The following SYNJ2BP variants were observed in gnomAD, a reference collection of about 807,000 sequenced individuals.
SYNJ2BP encodes synaptojanin-2-binding protein.
In SYNJ2BP, 10 loss-of-function variants were observed where a neutral mutation model predicts 16.9. The observed-to-expected ratio is 0.59, with a 90% CI of 0.36 to 1.00. The LOEUF is 1.00. Among genes scored for constraint, SYNJ2BP ranks in the 50% least tolerant of loss-of-function variants. SYNJ2BP has a pLI of 0.01. For synonymous variants in SYNJ2BP, 54 were observed against 68.4 expected (o/e 0.79, Z 1.04); for missense variants, 162 against 186.7 (o/e 0.87, Z 0.77).
chr14:70,389,507 G>A (rs936748305), intron 1 of SYNJ2BP, among the ~76,000 whole-genome samples: 14 of 151,310 alleles, frequency 9.3e-5, no homozygotes, highest in African/African-American at 2.9e-4. Flanking sequence ...CCCTTCCTTC[G>A]CTACTTCAAG....
chr14:70,402,068 AC>A (rs1481640863), intron 1 of SYNJ2BP, among the ~76,000 whole-genome samples: 1 of 152,190 alleles, frequency 6.6e-6, no homozygotes, highest in African/African-American at 2.4e-5. Context: ...CTGAAAAAAC[AC>A]ACCATTCACT....
intron 2 of SYNJ2BP, among the ~76,000 whole-genome samples, chr14:70,377,286 T>A (rs1251729305): frequency 6.6e-6 from 1 of 152,200 alleles, no homozygotes; most frequent in Non-Finnish European, 1.5e-5. Context: ...CCCCAAGATC[T>A]TCTGCCATCT....
chr14:70,413,548 T>G (rs1360746707), intron 1 of SYNJ2BP, among the ~76,000 whole-genome samples: 2 of 152,042 alleles, frequency 1.3e-5, no homozygotes, highest in Admixed American at 1.3e-4. Context: ...CTGAGGCAGG[T>G]GAATTGCTTG....
chr14:70,373,267 G>A, intron 3 of SYNJ2BP, 136 bp from the exon 4 acceptor site: 18 of 1,166,388 alleles, frequency 1.5e-5, no homozygotes, highest in Non-Finnish European at 1.7e-5. Context: ...CTAGCAGAAG[G>A]AGTCCTCTCT....
chr14:70,408,712 A>G (rs1183164215), intron 1 of SYNJ2BP, among the ~76,000 whole-genome samples: 1 of 152,144 alleles, frequency 6.6e-6, no homozygotes, highest in East Asian at 1.9e-4. Context: ...CAACTCTATA[A>G]GTAGATTCTA....
intron 1 of SYNJ2BP, among the ~76,000 whole-genome samples, chr14:70,402,693 A>T (rs1019699359): frequency 4.6e-5 from 7 of 152,030 alleles, no homozygotes; most frequent in African/African-American, 1.4e-4. Context: ...AGAAATTTTT[A>T]AAATATATAT....
chr14:70,394,691 T>C lies in SYNJ2BP; in HGVS notation c.65-6085A>G, dbSNP rs772021799. 1.2e-4 allele frequency among the ~76,000 whole-genome samples: 18 copies of C among 151,550 alleles called. No homozygotes were observed. The South Asian group carries it at 1.3e-3, about 11-fold the overall frequency. On this transcript the variant is annotated intron_variant, in intron 1 of 3. Coordinates refer to ENST00000256366, the MANE Select transcript of SYNJ2BP (RefSeq NM_018373.3). ...AAAGTTAAACAAGAAATCCCTTCTT[T>C]TGAACTCCTGACTATAGGTCTGGAC...
chr14:70,416,992 G>C lies in SYNJ2BP; in HGVS notation c.-29C>G, dbSNP rs375138953. On this transcript the variant is annotated 5_prime_UTR_variant, in exon 1 of 4. Coordinates refer to ENST00000256366, the MANE Select transcript of SYNJ2BP (RefSeq NM_018373.3). ...TTACAGCTCGTCTGGCTTCCTACTT[G>C]GGTCAGCTGGAGTGCAGCACAGGTG... 2.9e-5 allele frequency: 47 copies of C among 1,613,936 alleles called. No individual in the cohort carries two copies. In the African/African-American group the frequency reaches 6.0e-4, roughly 21 times the overall value.
chr14:70,408,358 G>T (rs554448101), intron 1 of SYNJ2BP, among the ~76,000 whole-genome samples: 1 of 151,980 alleles, frequency 6.6e-6, no homozygotes, highest in African/African-American at 2.4e-5. Flanking sequence ...GTACAGAATC[G>T]TCACTACAAA....
At chr14:70,412,936 T>C (rs1888520561) in intron 1 of SYNJ2BP, among the ~76,000 whole-genome samples, 2 of 152,162 alleles carry the variant, frequency 1.3e-5, no homozygotes, top group Non-Finnish European at 2.9e-5. Context: ...AACTGAGTTT[T>C]GAGACGCATT....
At chr14:70,396,350 C>G (rs975767504) in intron 1 of SYNJ2BP, among the ~76,000 whole-genome samples, 2 of 152,172 alleles carry the variant, frequency 1.3e-5, no homozygotes, top group African/African-American at 4.8e-5. Context: ...ATCTCCTGAC[C>G]TCATGATCTG....
chr14:70,389,855 T>A (rs570219884), intron 1 of SYNJ2BP, among the ~76,000 whole-genome samples: 1 of 152,322 alleles, frequency 6.6e-6, no homozygotes, highest in South Asian at 2.1e-4. Flanking sequence ...CTTCCCTAAG[T>A]CCTTGGAAAC....
intron 1 of SYNJ2BP, among the ~76,000 whole-genome samples, chr14:70,409,247 T>G (rs1267247085): frequency 6.6e-6 from 1 of 152,154 alleles, no homozygotes; most frequent in African/African-American, 2.4e-5. Flanking sequence ...TGGGGATCAT[T>G]TCTTATTCTT....
At chr14:70,402,399 G>A (rs1054088618) in intron 1 of SYNJ2BP, among the ~76,000 whole-genome samples, 4 of 152,192 alleles carry the variant, frequency 2.6e-5, no homozygotes, top group African/African-American at 9.7e-5. Flanking sequence ...GAGGTGCGCT[G>A]TGGAGGTTTG....
At chr14:70,376,814 T>C (rs544809675) in intron 2 of SYNJ2BP, among the ~76,000 whole-genome samples, 2 of 152,364 alleles carry the variant, frequency 1.3e-5, no homozygotes, top group African/African-American at 4.8e-5. Flanking sequence ...CTGTTCCTTC[T>C]GCACTGTTAT....
intron 2 of SYNJ2BP, among the ~76,000 whole-genome samples, chr14:70,382,387 A>C (rs1887771236): frequency 1.3e-5 from 2 of 152,232 alleles, no homozygotes; most frequent in South Asian, 4.1e-4. Context: ...ACGAATAGGA[A>C]ATGTATGTCA....
chr14:70,376,969 T>C (rs1326391945), intron 2 of SYNJ2BP, among the ~76,000 whole-genome samples: 5 of 152,202 alleles, frequency 3.3e-5, no homozygotes, highest in Non-Finnish European at 4.4e-5. Context: ...GCCAATACAG[T>C]TGGTGAATGA....
chr14:70,394,643 T>C (rs1442664787), intron 1 of SYNJ2BP, among the ~76,000 whole-genome samples: 3 of 152,032 alleles, frequency 2.0e-5, no homozygotes, highest in Non-Finnish European at 2.9e-5. Flanking sequence ...AGAAAGAAAG[T>C]GTGCCTAATA....
intron 1 of SYNJ2BP, among the ~76,000 whole-genome samples, chr14:70,404,258 G>A (rs10143578): frequency 0.066 from 9,978 of 152,094 alleles, 560 homozygotes; most frequent in African/African-American, 0.15. Flanking sequence ...CTCCAGCCTA[G>A]GTGACCGGGC....
Sources: gnomAD v4.1 joint callset for allele counts (sites outside exome capture counted in the v4.1 genomes callset) on GRCh38, gnomAD v4.1.1 for gene constraint, MANE v1.5 for transcripts, NCBI Gene and HGNC (gene_info 2026-07-23, HGNC 2026-07-21) for gene names.